YWHAG: variants seen among roughly 807,000 people sequenced by gnomAD.
YWHAG encodes the protein 14-3-3 protein gamma.
In YWHAG, 1 loss-of-function variant was observed where a neutral mutation model predicts 23.3. The ratio of observed to expected loss-of-function variants is 0.04; its 90% CI spans 0.02 to 0.20. The LOEUF (loss-of-function observed/expected upper bound fraction) is 0.20. Ranked by LOEUF, YWHAG falls within the 10% of genes least tolerant of loss-of-function variation. The probability of loss-of-function intolerance (pLI) is 1.00; values close to 1 mark genes in which losing one functional copy is unlikely to be tolerated. For missense variants in YWHAG, 151 were observed against 338.6 expected, an observed-to-expected ratio of 0.45 and a Z score of 4.35; for synonymous variants, 160 against 144.0, an observed-to-expected ratio of 1.11 and a Z score of -0.80.
chr7:76,328,755 T>C lies in YWHAG; in HGVS notation c.*822A>G, dbSNP rs112558016. On this transcript the variant is annotated 3_prime_UTR_variant, in exon 2 of 2. Transcript: ENST00000307630. ...GCGTTTCACGTTTCTCTCAAGAGGA[T>C]TAATAATTTTGGTGGTGGATTTACG... 2.6e-5 allele frequency: 4 copies of C among 151,888 alleles called. No individual in the cohort carries two copies. Among genetic ancestry groups the C allele is most frequent in the Non-Finnish European group, 4.4e-5 (3 of 67,996 alleles). 9.4% of individuals were successfully genotyped at this position (151,888 alleles called of 1,614,324 possible).
In YWHAG at chr7:76,329,516, T is replaced by C. The variant is rs1803509720; in HGVS notation, c.*61A>G. The C allele has an allele frequency of 3.1e-6, 2 of 640,158 alleles. No individual in the cohort carries two copies. The highest frequency in any genetic ancestry group is 4.9e-6 in the Non-Finnish European group (2 of 406,596). The allele number at this position is 640,158 out of a possible 1,614,324, so 39.7% of individuals were successfully genotyped here. On this transcript the variant is annotated 3_prime_UTR_variant, in exon 2 of 2. Coordinates refer to ENST00000307630, the MANE Select transcript of YWHAG (RefSeq NM_012479.4). The surrounding 1 kb of genome is among the most constrained non-coding windows in gnomAD (Gnocchi z 6.1). The stretch of plus-strand genomic sequence containing the variant: ...CCTCCCCCACCCGACCCCCAACTCA[T>C]GGGAAAAAAATAAAGACTGCAGTAG...
rs967389277 is a variant in YWHAG, at chr7:76,328,296, G to A, written c.*1281C>T. On this transcript the variant is annotated 3_prime_UTR_variant, in exon 2 of 2. Transcript: ENST00000307630. The stretch of plus-strand genomic sequence containing the variant: ...TTCATTAAAAAGAAAAAACTATCTC[G>A]AGAGGAAAAAGTTCTGGTCAAATAG... The A allele has an allele frequency of 1.3e-5, 2 of 152,114 alleles. No homozygotes were observed. The highest frequency in any genetic ancestry group is 6.5e-5 in the Admixed American group (1 of 15,268). 9.4% of individuals were successfully genotyped at this position (152,114 alleles called of 1,614,324 possible).
chr7:76,351,498 G>A (rs1563667975), intron 1 of YWHAG, among the ~76,000 whole-genome samples: 1 of 152,068 alleles, frequency 6.6e-6, no homozygotes, highest in Admixed American at 6.6e-5. Context: ...CTATAGTAGG[G>A]GTCCCCAACG....
chr7:76,335,457 C>T (rs1035356403), intron 1 of YWHAG, among the ~76,000 whole-genome samples: 5 of 152,194 alleles, frequency 3.3e-5, no homozygotes, highest in African/African-American at 1.2e-4. Flanking sequence ...AAGTAGAACT[C>T]CCCAAATCCC....
rs1165111279 is a variant in YWHAG, at chr7:76,356,475, G to C, written c.87+2247C>G. Among the ~76,000 whole-genome samples the C allele has an allele frequency of 1.2e-4, 19 of 152,160 alleles. No homozygotes were observed. In the East Asian group the frequency reaches 3.5e-3, roughly 28 times the overall value. ...TCTCAACTTAAAAGGTTTTGGAACG[G>C]GTTTTCATTCCCTACTAGTAACTGA... On this transcript the variant is annotated intron_variant, in intron 1 of 1. Transcript: ENST00000307630.
chr7:76,336,940 G>A (rs139037709), intron 1 of YWHAG, among the ~76,000 whole-genome samples: 157 of 152,260 alleles, frequency 1.0e-3, no homozygotes, highest in African/African-American at 3.6e-3. Flanking sequence ...CAGGATGTGC[G>A]CTGCTGTCCA....
At chr7:76,331,532 T>G (rs1363012477) in intron 1 of YWHAG, among the ~76,000 whole-genome samples, 1 of 151,506 alleles carries the variant, frequency 6.6e-6, no homozygotes, top group African/African-American at 2.4e-5. Flanking sequence ...ATTAAAACAC[T>G]GAGAATTCTT....
At chr7:76,351,791 G>A (rs1803878208) in intron 1 of YWHAG, among the ~76,000 whole-genome samples, 1 of 152,192 alleles carries the variant, frequency 6.6e-6, no homozygotes, top group Admixed American at 6.5e-5. Context: ...ATTACGGTGA[G>A]TTGTATAATT....
At chr7:76,334,635 C>T (rs1046046048) in intron 1 of YWHAG, among the ~76,000 whole-genome samples, 4 of 151,786 alleles carry the variant, frequency 2.6e-5, no homozygotes, top group Admixed American at 6.6e-5. Context: ...AGGCTGGTTT[C>T]GAACTCCTGA....
intron 1 of YWHAG, among the ~76,000 whole-genome samples, chr7:76,352,322 A>G (rs1803888017): frequency 6.6e-6 from 1 of 152,178 alleles, no homozygotes; most frequent in Non-Finnish European, 1.5e-5. Flanking sequence ...TCCCTTAGCC[A>G]TTCCTCACTT....
intron 1 of YWHAG, among the ~76,000 whole-genome samples, chr7:76,338,564 C>G (rs1409579590): frequency 6.6e-6 from 1 of 152,136 alleles, no homozygotes; most frequent in Non-Finnish European, 1.5e-5. Flanking sequence ...ATCTTGTGCT[C>G]TTTTTCTATG....
Position 76,329,489 on chromosome 7 carries a change from T to TTCCCCCC in YWHAG, c.*87_*88insGGGGGGA. The TTCCCCCC allele has an allele frequency of 1.1e-5, 11 of 1,024,222 alleles. No homozygotes were observed. Among genetic ancestry groups the TTCCCCCC allele is most frequent in the South Asian group, 3.3e-5 (2 of 60,836 alleles). The allele number at this position is 1,024,222 out of a possible 1,614,324, so 63.4% of individuals were successfully genotyped here. A position where few individuals can be genotyped will look rare whatever the true frequency, so the allele number is the denominator to read the frequency against. ...TCCCTGGGAAGGTCATCCCTCCCTT[T>TTCCCCCC]CCCTCCCCCACCCGACCCCCAACTC... On this transcript the variant is annotated 3_prime_UTR_variant, in exon 2 of 2. Transcript: ENST00000307630. This position sits in a 1 kb window ranked among gnomAD's most constrained non-coding sequence, Gnocchi z 6.1.
At chr7:76,341,141 C>T (rs1206249380) in intron 1 of YWHAG, among the ~76,000 whole-genome samples, 1 of 152,144 alleles carries the variant, frequency 6.6e-6, no homozygotes, top group Non-Finnish European at 1.5e-5. Flanking sequence ...GCCTGTAATC[C>T]CAGCACTTTA....
At chr7:76,345,506 G>A (rs17146765) in intron 1 of YWHAG, among the ~76,000 whole-genome samples, 4,121 of 151,810 alleles carry the variant, frequency 0.027, 199 homozygotes, top group African/African-American at 0.093. Flanking sequence ...TCCAAAAGTA[G>A]CTGCATTGAT....
At chr7:76,349,582 G>A (rs746529697) in intron 1 of YWHAG, among the ~76,000 whole-genome samples, 4 of 152,118 alleles carry the variant, frequency 2.6e-5, no homozygotes, top group Non-Finnish European at 5.9e-5. Flanking sequence ...ACATGCCACA[G>A]CTCCAAATAA....
In YWHAG at chr7:76,341,460, T is replaced by C. The variant is rs116082109; in HGVS notation, c.88-11227A>G. ...AATCTTGTAATGTTCACAGCAACGT[T>C]AGTCCTAAGAGCCAAAAGGTGGAAA... On this transcript the variant is annotated intron_variant, in intron 1 of 1. Transcript: ENST00000307630. Among the ~76,000 whole-genome samples the C allele has an allele frequency of 7.3e-3, 1,092 of 149,256 alleles. 7 individuals carry two copies. Among genetic ancestry groups the C allele is most frequent in the African/African-American group, 0.025 (1,029 of 40,508 alleles).
In YWHAG at chr7:76,358,977, G is replaced by T; in HGVS notation, c.-169C>A. The T allele has an allele frequency of 5.8e-6, 3 of 519,788 alleles. No individual in the cohort carries two copies. Among genetic ancestry groups the T allele is most frequent in the Admixed American group, 4.3e-5 (1 of 23,010 alleles). The allele number at this position is 519,788 out of a possible 1,614,324, so 32.2% of individuals were successfully genotyped here. ...GCTGGAGCTGCGACCGCGGGACCGG[G>T]CGCGAGGCGGCTGCGGCTGCTGTGC... On this transcript the variant is annotated 5_prime_UTR_variant, in exon 1 of 2. Transcript: ENST00000307630.
intron 1 of YWHAG, among the ~76,000 whole-genome samples, chr7:76,344,737 G>GT (rs773833619): frequency 1.7e-4 from 26 of 152,138 alleles, no homozygotes; most frequent in Non-Finnish European, 3.4e-4. Flanking sequence ...ATAAACATTA[G>GT]TTGAACTCAT....
At chr7:76,346,661 G>C (rs749649455) in intron 1 of YWHAG, among the ~76,000 whole-genome samples, 7 of 151,902 alleles carry the variant, frequency 4.6e-5, no homozygotes, top group Non-Finnish European at 1.0e-4. Flanking sequence ...TGCCCTTGCC[G>C]TTCTTGTCCA....
Sources: gnomAD v4.1 joint callset for allele counts (sites outside exome capture counted in the v4.1 genomes callset) on GRCh38, gnomAD v4.1.1 for gene constraint, Gnocchi (gnomAD v3.1) non-coding constraint, MANE v1.5 for transcripts, NCBI Gene and HGNC (gene_info 2026-07-23, HGNC 2026-07-21) for gene names.